The following ZMAT3 variants were observed in gnomAD, a reference collection of about 807,000 sequenced individuals.
ZMAT3 encodes zinc finger matrin-type protein 3.
Under a neutral mutation model 32.3 loss-of-function variants are expected in ZMAT3, and 17 were observed. The observed-to-expected ratio is 0.53, with a 90% CI of 0.36 to 0.79. ZMAT3 has a LOEUF of 0.79. Among genes scored for constraint, ZMAT3 ranks in the 30% least tolerant of loss-of-function variants. The pLI, the probability that ZMAT3 is intolerant of heterozygous loss-of-function variation, is 0.00. For synonymous variants in ZMAT3, 120 were observed against 133.1 expected, an observed-to-expected ratio of 0.90 and a Z score of 0.68; for missense variants, 329 against 359.7, an observed-to-expected ratio of 0.91 and a Z score of 0.69.
Position 179,027,675 on chromosome 3 carries a change from C to T in ZMAT3, c.528G>A (p.Arg176=), listed in dbSNP as rs1718949425. Residue 176 remains arginine (R), a synonymous_variant, in exon 4 of 6, where the codon CGG becomes CGA. Coordinates refer to ENST00000311417, the MANE Select transcript of ZMAT3 (RefSeq NM_022470.4). ...YQGKNHAKRL[R]LAEAQSNSFS... Reference sequence around the variant, plus strand: ...ATGAGTTACTCTGAGCTTCCGCCAGCCGCAGCCTCTTGGCATGATTCTTCC... The same window carrying T: ...ATGAGTTACTCTGAGCTTCCGCCAGTCGCAGCCTCTTGGCATGATTCTTCC... The T allele has an allele frequency of 6.2e-7, 1 of 1,614,188 alleles. No individual in the cohort carries two copies. The highest frequency in any genetic ancestry group is 1.7e-5 in the Admixed American group (1 of 60,036).
intron 2 of ZMAT3, among the ~76,000 whole-genome samples, chr3:179,050,592 T>G (rs576620593): frequency 6.6e-6 from 1 of 152,000 alleles, no homozygotes; most frequent in South Asian, 2.1e-4. Flanking sequence ...GACAAAGAAA[T>G]AGGGAATCCT....
At chr3:179,069,148 A>G (rs1355645574) in intron 1 of ZMAT3, among the ~76,000 whole-genome samples, 3 of 152,196 alleles carry the variant, frequency 2.0e-5, no homozygotes, top group South Asian at 2.1e-4. Flanking sequence ...AAAATAAGGT[A>G]TCAAGGAAAT....
At chr3:179,067,377 A>T in intron 2 of ZMAT3, 106 bp downstream of exon 2, 2 of 1,202,234 alleles carry the variant, frequency 1.7e-6, no homozygotes, top group Non-Finnish European at 2.4e-6. Context: ...TCTCTAAGCC[A>T]TCTTGGTATT....
Position 179,023,254 on chromosome 3 carries a change from C to G in ZMAT3, c.*1763G>C, listed in dbSNP as rs1268239962. On this transcript the variant is annotated 3_prime_UTR_variant, in exon 6 of 6. Transcript: ENST00000311417. ...CTTGGCTGACTGCAACCTCCACCTC[C>G]TGGGTTCATACAACTTCTTATTTTA... 6.6e-6 allele frequency: 1 copy of G among 151,210 alleles called. No individual in the cohort carries two copies. The highest frequency in any genetic ancestry group is 1.9e-4 in the East Asian group (1 of 5,166). 9.4% of individuals were successfully genotyped at this position (151,210 alleles called of 1,614,324 possible). A position where few individuals can be genotyped will look rare whatever the true frequency, so the allele number is the denominator to read the frequency against.
intron 2 of ZMAT3, among the ~76,000 whole-genome samples, chr3:179,065,047 T>A (rs1347813669): frequency 6.6e-6 from 1 of 152,212 alleles, no homozygotes. Context: ...CCTTCTCTCT[T>A]TAAGAGTTAC....
chr3:179,025,779 T>TG (rs765265904), intron 5 of ZMAT3, among the ~76,000 whole-genome samples: 2 of 152,210 alleles, frequency 1.3e-5, no homozygotes, highest in Non-Finnish European at 2.9e-5. Context: ...AGAAAACTCT[T>TG]ACGCTATTAA....
At chr3:179,035,516 C>A (rs1194921880) in intron 2 of ZMAT3, among the ~76,000 whole-genome samples, 1 of 152,190 alleles carries the variant, frequency 6.6e-6, no homozygotes, top group Non-Finnish European at 1.5e-5. Context: ...CCTCTCCACA[C>A]CACACACACT....
Position 179,046,855 on chromosome 3 carries a change from C to A in ZMAT3, c.271-15856G>T, listed in dbSNP as rs967164407. 6.5e-4 allele frequency among the ~76,000 whole-genome samples: 99 copies of A among 152,276 alleles called. No individual in the cohort carries two copies. Among genetic ancestry groups the A allele is most frequent in the African/African-American group, 2.1e-3 (88 of 41,542 alleles). On this transcript the variant is annotated intron_variant, in intron 2 of 5. Transcript: ENST00000311417. The surrounding 1 kb of genome is among the most constrained non-coding windows in gnomAD (Gnocchi z 4.3). ...CCCATAGCAGCTGCAGCAAGCCCCA[C>A]CCAAGGAGAGACTGACCTCAGACAT...
chr3:179,038,125 T>G (rs1479883079), intron 2 of ZMAT3, among the ~76,000 whole-genome samples: 1 of 152,094 alleles, frequency 6.6e-6, no homozygotes, highest in Non-Finnish European at 1.5e-5. Flanking sequence ...AGCCATGCAA[T>G]GTAGAGAAAG....
chr3:179,053,298 T>G (rs1720668566), intron 2 of ZMAT3, among the ~76,000 whole-genome samples: 1 of 150,804 alleles, frequency 6.6e-6, no homozygotes, highest in African/African-American at 2.4e-5. Flanking sequence ...GATATAGATA[T>G]AGAATATCTA....
At chr3:179,048,929 C>T (rs1720392669) in intron 2 of ZMAT3, among the ~76,000 whole-genome samples, 1 of 152,162 alleles carries the variant, frequency 6.6e-6, no homozygotes, top group African/African-American at 2.4e-5. Context: ...CTTCAAGAGA[C>T]TCGTGATACA....
intron 3 of ZMAT3, among the ~76,000 whole-genome samples, chr3:179,028,642 T>C (rs1719013423): frequency 6.6e-6 from 1 of 152,222 alleles, no homozygotes; most frequent in East Asian, 1.9e-4. Context: ...TATTCAATTC[T>C]AGAGCAGCCT....
chr3:179,019,253 C>A lies in ZMAT3; in HGVS notation c.*5764G>T, dbSNP rs1232811310. On this transcript the variant is annotated 3_prime_UTR_variant, in exon 6 of 6. Transcript: ENST00000311417. ...CCCTAAGTACACACAAAAAGAGAAA[C>A]TGGAAGACAAAAGTCCACAGGAGGA... is the stretch of plus-strand genomic sequence containing the variant. The A allele has an allele frequency of 6.6e-6, 1 of 151,136 alleles. No homozygotes were observed. The highest frequency in any genetic ancestry group is 1.5e-5 in the Non-Finnish European group (1 of 67,770). The allele number at this position is 151,136 out of a possible 1,614,324, so 9.4% of individuals were successfully genotyped here. A position where few individuals can be genotyped will look rare whatever the true frequency, so the allele number is the denominator to read the frequency against.
intron 2 of ZMAT3, among the ~76,000 whole-genome samples, chr3:179,054,985 C>G (rs1409575352): frequency 6.6e-6 from 1 of 152,164 alleles, no homozygotes; most frequent in Non-Finnish European, 1.5e-5. Flanking sequence ...CCCAAGATTC[C>G]ATTCCTTGGA....
At chr3:179,066,320 C>T (rs927456021) in intron 2 of ZMAT3, among the ~76,000 whole-genome samples, 9 of 152,132 alleles carry the variant, frequency 5.9e-5, no homozygotes, top group Admixed American at 5.9e-4. Context: ...CTCTCTGCAC[C>T]TGAGGGCAAA....
rs1274157464 is a variant in ZMAT3, at chr3:179,020,478, A to G, written c.*4539T>C. 1 of 152,158 alleles carries G rather than the reference A, an allele frequency of 6.6e-6. No homozygotes were observed. Among genetic ancestry groups the G allele is most frequent in the Non-Finnish European group, 1.5e-5 (1 of 68,022 alleles). The allele number at this position is 152,158 out of a possible 1,614,324, so 9.4% of individuals were successfully genotyped here. A position where few individuals can be genotyped will look rare whatever the true frequency, so the allele number is the denominator to read the frequency against. On this transcript the variant is annotated 3_prime_UTR_variant, in exon 6 of 6. Transcript: ENST00000311417. Reference sequence around the variant, plus strand: ...CAAAACACTTTTTATCATATATGAAACTCCTGTACAATGATTTGGCTAGAA... The same window carrying G: ...CAAAACACTTTTTATCATATATGAAGCTCCTGTACAATGATTTGGCTAGAA...
chr3:179,065,952 C>G (rs1283012178), intron 2 of ZMAT3, among the ~76,000 whole-genome samples: 1 of 152,132 alleles, frequency 6.6e-6, no homozygotes, highest in Non-Finnish European at 1.5e-5. Flanking sequence ...GTATAGCATA[C>G]AAGTGGGTTT....
chr3:179,057,262 C>G (rs897595883), intron 2 of ZMAT3, among the ~76,000 whole-genome samples: 8 of 152,198 alleles, frequency 5.3e-5, no homozygotes, highest in Non-Finnish European at 1.0e-4. Flanking sequence ...TGCTGTCCCT[C>G]TATACCCAGC....
intron 2 of ZMAT3, among the ~76,000 whole-genome samples, chr3:179,056,547 G>C (rs553764694): frequency 1.4e-3 from 217 of 152,300 alleles, no homozygotes; most frequent in Non-Finnish European, 2.5e-3. Flanking sequence ...TGCCCCAGGG[G>C]ATGAAGATAC....
Sources: gnomAD v4.1 joint callset for allele counts (sites outside exome capture counted in the v4.1 genomes callset) on GRCh38, gnomAD v4.1.1 for gene constraint, Gnocchi (gnomAD v3.1) non-coding constraint, MANE v1.5 for transcripts, NCBI Gene and HGNC (gene_info 2026-07-23, HGNC 2026-07-21) for gene names.